The following RFX8 variants were observed in gnomAD, a reference collection of about 807,000 sequenced individuals.
RFX8 encodes DNA-binding protein RFX8.
Under a neutral mutation model 54.6 loss-of-function variants are expected in RFX8, and 46 were observed. The ratio of observed to expected loss-of-function variants is 0.84; its 90% CI spans 0.67 to 1.08. The LOEUF (loss-of-function observed/expected upper bound fraction) is 1.08. Among genes scored for constraint, RFX8 ranks in the 50% least tolerant of loss-of-function variants. The pLI is 0.00. For synonymous variants in RFX8, 192 were observed against 209.5 expected, an observed-to-expected ratio of 0.92 and a Z score of 0.72; for missense variants, 536 against 562.3, an observed-to-expected ratio of 0.95 and a Z score of 0.47.
At position 101,421,176 on chromosome 2, in the gene RFX8, G is replaced by A. The variant is rs1686841706; in HGVS notation, c.237+548C>T. The A allele has an allele frequency of 5.3e-5, 46 of 873,402 alleles. No homozygotes were observed. In the South Asian group the frequency reaches 2.2e-3, roughly 41 times the overall value. 54.1% of individuals were successfully genotyped at this position (873,402 alleles called of 1,614,324 possible). On this transcript the variant is annotated intron_variant, in intron 4 of 11. Transcript: ENST00000428343. ...TGCTTAGAATATACTAAAGCATCAG[G>A]AAAAAAATCTCATTTGAATGTGCAC...
At chr2:101,440,185 T>A (rs1213156722) in intron 2 of RFX8, among the ~76,000 whole-genome samples, 3 of 152,182 alleles carry the variant, frequency 2.0e-5, no homozygotes, top group East Asian at 1.9e-4. Context: ...ATGTTTTTTT[T>A]AAAGCATATC....
At chr2:101,472,724 A>G (rs1690078897) in intron 1 of RFX8, among the ~76,000 whole-genome samples, 1 of 152,228 alleles carries the variant, frequency 6.6e-6, no homozygotes, top group Admixed American at 6.5e-5. Flanking sequence ...ATGTTTTAAC[A>G]AAGTTTATGA....
chr2:101,422,583 A>T (rs1438492753), intron 2 of RFX8, 111 bp from the exon 3 acceptor site: 2 of 673,280 alleles, frequency 3.0e-6, no homozygotes, highest in African/African-American at 3.6e-5. Context: ...ATAACCTTTT[A>T]GCCACACCTC....
At chr2:101,408,016 T>C (rs1019763263) in intron 9 of RFX8, among the ~76,000 whole-genome samples, 6 of 152,232 alleles carry the variant, frequency 3.9e-5, no homozygotes, top group African/African-American at 7.2e-5. Flanking sequence ...CAAGCTATTT[T>C]ACAAAAACAA....
At chr2:101,454,859 C>G (rs1323609034) in intron 2 of RFX8, among the ~76,000 whole-genome samples, 4 of 152,172 alleles carry the variant, frequency 2.6e-5, no homozygotes, top group African/African-American at 9.7e-5. Context: ...CTTGTTCACT[C>G]TGATGATAGT....
chr2:101,468,636 GA>G, intron 1 of RFX8, among the ~76,000 whole-genome samples: 1 of 151,916 alleles, frequency 6.6e-6, no homozygotes, highest in Admixed American at 6.6e-5. Flanking sequence ...ACTGGATTTA[GA>G]GCCCATCCTA....
chr2:101,472,257 A>C (rs1156421796), intron 1 of RFX8, among the ~76,000 whole-genome samples: 1 of 152,042 alleles, frequency 6.6e-6, no homozygotes, highest in Non-Finnish European at 1.5e-5. Context: ...GCCCGCCACC[A>C]CACCCAGCTA....
rs758790817 is a variant in RFX8, at chr2:101,413,075, A to C, written c.562-4T>G. The C allele has an allele frequency of 5.2e-6, 8 of 1,551,000 alleles. No individual in the cohort carries two copies. The highest frequency in any genetic ancestry group is 7.0e-6 in the Non-Finnish European group (8 of 1,146,630). ...TTTTCAATACCATTCGCATAGTCTA[A>C]AGATAACAGGGAGGCATAATACTTA... On this transcript the variant is annotated splice_polypyrimidine_tract_variant and splice_region_variant and intron_variant, in intron 7 of 11. Transcript: ENST00000428343.
chr2:101,474,461 C>G (rs1190863133), intron 1 of RFX8, 175 bp downstream of exon 1: 1 of 355,874 alleles, frequency 2.8e-6, no homozygotes, highest in Non-Finnish European at 5.0e-6. Flanking sequence ...GCGGAAGGCG[C>G]GCGGCGAGTA....
intron 2 of RFX8, among the ~76,000 whole-genome samples, chr2:101,440,971 T>A (rs1688068226): frequency 6.9e-6 from 1 of 144,468 alleles, no homozygotes; most frequent in African/African-American, 2.5e-5. Context: ...TTGAAATTTT[T>A]TTTTTTTTTT....
chr2:101,404,667 T>A (rs1174006145), intron 10 of RFX8, among the ~76,000 whole-genome samples: 1 of 151,878 alleles, frequency 6.6e-6, no homozygotes, highest in East Asian at 1.9e-4. Context: ...GCTCAAGAGA[T>A]CTGTGTCCCT....
At chr2:101,426,505 C>T (rs1687176939) in intron 2 of RFX8, among the ~76,000 whole-genome samples, 1 of 152,098 alleles carries the variant, frequency 6.6e-6, no homozygotes, top group South Asian at 2.1e-4. Context: ...GGCAAAAGAG[C>T]AAGACCTCGT....
intron 2 of RFX8, among the ~76,000 whole-genome samples, chr2:101,443,794 G>A (rs1472235976): frequency 6.6e-6 from 1 of 152,154 alleles, no homozygotes; most frequent in East Asian, 1.9e-4. Flanking sequence ...CAAAGGACTA[G>A]GAAAGGGAAG....
rs745821914 is a variant in RFX8, at chr2:101,413,071, T to C, written c.562A>G (p.Thr188Ala). ...TTACTTTTCAATACCATTCGCATAGTCTAAAGATAACAGGGAGGCATAATA... is the reference window on the plus strand; with the variant it reads ...TTACTTTTCAATACCATTCGCATAGCCTAAAGATAACAGGGAGGCATAATA... ...RKTYLSNMAK[T>A]MRMVLKSKRR... Residue 188 changes from threonine to alanine, a missense_variant and splice_region_variant, in exon 8 of 12, where the codon ACT becomes GCT. Physicochemically the swap from Thr to Ala is moderately conservative, Grantham distance 58 (BLOSUM62 0). Transcript: ENST00000428343. 7.7e-6 allele frequency: 12 copies of C among 1,551,366 alleles called. No individual in the cohort carries two copies. In the South Asian group the frequency reaches 1.4e-4, roughly 18 times the overall value.
intron 2 of RFX8, among the ~76,000 whole-genome samples, chr2:101,448,309 C>T (rs1688503431): frequency 1.3e-5 from 2 of 152,118 alleles, no homozygotes; most frequent in Non-Finnish European, 2.9e-5. Flanking sequence ...TAATCTAGGC[C>T]CCCTGAACTT....
chr2:101,453,666 T>C (rs1487629920), intron 2 of RFX8, among the ~76,000 whole-genome samples: 2 of 152,194 alleles, frequency 1.3e-5, no homozygotes, highest in Non-Finnish European at 2.9e-5. Context: ...TTCTCTGTGT[T>C]TCATATTTAA....
At chr2:101,434,089 TA>T (rs11368243) in intron 2 of RFX8, among the ~76,000 whole-genome samples, 5,814 of 152,262 alleles carry the variant, frequency 0.038, 160 homozygotes, top group African/African-American at 0.079. Context: ...CACCTGTTAG[TA>T]AGGTAGATAA....
chr2:101,437,402 G>A (rs932298286), intron 2 of RFX8, among the ~76,000 whole-genome samples: 1 of 152,000 alleles, frequency 6.6e-6, no homozygotes, highest in Non-Finnish European at 1.5e-5. Flanking sequence ...ACAAGACCCT[G>A]TCTCTACAAA....
At chr2:101,417,789 G>A (rs1349991277) in intron 5 of RFX8, 105 bp from the exon 6 acceptor site, 11 of 885,074 alleles carry the variant, frequency 1.2e-5, no homozygotes, top group Admixed American at 6.3e-5. Flanking sequence ...GTCTGAGAGC[G>A]GGTCCCCACC....
Sources: allele counts gnomAD v4.1 joint callset (sites outside exome capture counted in the v4.1 genomes callset), GRCh38; gene constraint gnomAD v4.1.1; transcripts MANE v1.5; gene names NCBI Gene and HGNC (gene_info 2026-07-23, HGNC 2026-07-21).